The following ELAVL2 variants were observed in gnomAD, a reference collection of about 807,000 sequenced individuals.
ELAVL2 encodes the protein ELAV-like protein 2.
Under a neutral mutation model 34.6 loss-of-function variants are expected in ELAVL2, and 4 were observed. The ratio of observed to expected loss-of-function variants is 0.12; its 90% CI spans 0.06 to 0.26. ELAVL2 has a LOEUF of 0.26. ELAVL2 is among the 10% of genes least tolerant of loss of function. The probability of loss-of-function intolerance (pLI) is 1.00; values close to 1 mark genes in which losing one functional copy is unlikely to be tolerated. For missense variants in ELAVL2, 432 were observed against 442.8 expected, an observed-to-expected ratio of 0.98 and a Z score of 0.22; for synonymous variants, 193 against 154.8, an observed-to-expected ratio of 1.25 and a Z score of -1.83.
chr9:23,820,922 C>A (rs774738431), intron 1 of ELAVL2, among the ~76,000 whole-genome samples: 3 of 152,192 alleles, frequency 2.0e-5, no homozygotes, highest in Non-Finnish European at 4.4e-5. Flanking sequence ...CGCGCGGCTG[C>A]GACGGGCCTC....
At chr9:23,775,432 C>G (rs953084535) in intron 1 of ELAVL2, among the ~76,000 whole-genome samples, 3 of 152,102 alleles carry the variant, frequency 2.0e-5, no homozygotes, top group Non-Finnish European at 2.9e-5. Flanking sequence ...ATGAGAATTT[C>G]AAAACTTCAA....
At chr9:23,716,217 T>C (rs557944968) in intron 3 of ELAVL2, among the ~76,000 whole-genome samples, 1 of 151,776 alleles carries the variant, frequency 6.6e-6, no homozygotes, top group South Asian at 2.1e-4. Flanking sequence ...CTAATGTAAA[T>C]GATGAGTTAA....
At chr9:23,717,058 C>T (rs778113370) in intron 3 of ELAVL2, among the ~76,000 whole-genome samples, 5 of 152,152 alleles carry the variant, frequency 3.3e-5, no homozygotes, top group Non-Finnish European at 5.9e-5. Context: ...GTGAGGAGAA[C>T]AGTCAAAATC....
Position 23,691,725 on chromosome 9 carries a change from A to G in ELAVL2, c.*832T>C, listed in dbSNP as rs973928264. ...TCTACTCCTTTCATACAAAGATCTC[A>G]AAAGTATTTTCTACACCATAAATCT... On this transcript the variant is annotated 3_prime_UTR_variant, in exon 7 of 7. Transcript: ENST00000397312. 2 of 152,556 alleles carry G rather than the reference A, an allele frequency of 1.3e-5. No individual in the cohort carries two copies. Among genetic ancestry groups the G allele is most frequent in the Non-Finnish European group, 2.9e-5 (2 of 67,998 alleles). 9.5% of individuals were successfully genotyped at this position (152,556 alleles called of 1,614,324 possible). A position where few individuals can be genotyped will look rare whatever the true frequency, so the allele number is the denominator to read the frequency against.
At chr9:23,761,289 T>C (rs1448327056) in intron 2 of ELAVL2, among the ~76,000 whole-genome samples, 2 of 152,204 alleles carry the variant, frequency 1.3e-5, no homozygotes, top group East Asian at 1.9e-4. Context: ...TTTTTAGTGT[T>C]TGAAAACAAC....
intron 2 of ELAVL2, 149 bp from the exon 3 acceptor site, chr9:23,731,274 G>A (rs2046461612): frequency 6.6e-6 from 4 of 603,224 alleles, no homozygotes; most frequent in Non-Finnish European, 8.0e-6. Flanking sequence ...AAATATACAT[G>A]AAGTCTTTAT....
intron 1 of ELAVL2, among the ~76,000 whole-genome samples, chr9:23,764,536 C>T (rs1391960948): frequency 6.6e-6 from 1 of 152,152 alleles, no homozygotes; most frequent in African/African-American, 2.4e-5. Flanking sequence ...CTCAACACAA[C>T]TGTTCACAGA....
intron 1 of ELAVL2, among the ~76,000 whole-genome samples, chr9:23,808,032 G>A (rs2062470798): frequency 6.6e-6 from 1 of 152,146 alleles, no homozygotes; most frequent in African/African-American, 2.4e-5. Context: ...GATAGAAGCT[G>A]GGTGGCAGGA....
chr9:23,730,923 T>G, intron 3 of ELAVL2, 99 bp downstream of exon 3: 2 of 1,136,758 alleles, frequency 1.8e-6, no homozygotes, highest in Non-Finnish European at 2.5e-6. Flanking sequence ...GGTAACTGTT[T>G]ATATGGGCCC....
chr9:23,818,640 C>A (rs1306190468), intron 1 of ELAVL2, among the ~76,000 whole-genome samples: 3 of 152,162 alleles, frequency 2.0e-5, no homozygotes, highest in Non-Finnish European at 4.4e-5. Flanking sequence ...AAAAAAGTAA[C>A]CAAACCAAGC....
chr9:23,829,111 T>C (rs1344917686), upstream of ELAVL2, among the ~76,000 whole-genome samples: 1 of 152,248 alleles, frequency 6.6e-6, no homozygotes, highest in African/African-American at 2.4e-5. Flanking sequence ...GATTAAGTTA[T>C]ATGAACTCTG....
intron 3 of ELAVL2, among the ~76,000 whole-genome samples, chr9:23,719,154 G>C (rs902901387): frequency 6.6e-6 from 1 of 152,172 alleles, no homozygotes; most frequent in Non-Finnish European, 1.5e-5. Context: ...TCCTGCTTCA[G>C]ATCTCCAGAA....
At chr9:23,767,872 G>T (rs1206269802) in intron 1 of ELAVL2, among the ~76,000 whole-genome samples, 1 of 152,132 alleles carries the variant, frequency 6.6e-6, no homozygotes, top group Non-Finnish European at 1.5e-5. Context: ...CCATAGCCTA[G>T]AAACCACCTG....
intron 2 of ELAVL2, among the ~76,000 whole-genome samples, chr9:23,744,204 C>G (rs1588008318): frequency 6.6e-6 from 1 of 152,134 alleles, no homozygotes; most frequent in African/African-American, 2.4e-5. Context: ...TCTACCGTCT[C>G]CACCTTAAGT....
chr9:23,788,478 C>T (rs891470355), intron 1 of ELAVL2, among the ~76,000 whole-genome samples: 1 of 152,156 alleles, frequency 6.6e-6, no homozygotes, highest in African/African-American at 2.4e-5. Context: ...TTTTCCTACA[C>T]ATACCTATGA....
intron 1 of ELAVL2, among the ~76,000 whole-genome samples, chr9:23,769,231 G>A (rs1275983774): frequency 6.6e-6 from 1 of 152,024 alleles, no homozygotes; most frequent in African/African-American, 2.4e-5. Flanking sequence ...AACAAAACCA[G>A]GCATCACAAC....
intron 3 of ELAVL2, among the ~76,000 whole-genome samples, chr9:23,725,286 C>G (rs560477916): frequency 6.6e-6 from 1 of 152,264 alleles, no homozygotes; most frequent in East Asian, 1.9e-4. Flanking sequence ...TAACGCATAA[C>G]TCAGGCTCAT....
chr9:23,774,712 C>A (rs1339859143), intron 1 of ELAVL2, among the ~76,000 whole-genome samples: 2 of 144,588 alleles, frequency 1.4e-5, no homozygotes, highest in East Asian at 4.3e-4. Flanking sequence ...CCTGCTTATG[C>A]TCAGGCTCTT....
intron 4 of ELAVL2, among the ~76,000 whole-genome samples, chr9:23,703,854 T>G (rs2038355459): frequency 6.6e-6 from 1 of 152,320 alleles, no homozygotes; most frequent in Admixed American, 6.5e-5. Flanking sequence ...GTACTACAGC[T>G]AATATTTCCT....
Sources: allele counts gnomAD v4.1 joint callset (sites outside exome capture counted in the v4.1 genomes callset), GRCh38; gene constraint gnomAD v4.1.1; transcripts MANE v1.5; gene names NCBI Gene and HGNC (gene_info 2026-07-23, HGNC 2026-07-21).